PCDH15: variants seen among roughly 807,000 people sequenced by gnomAD.
PCDH15 encodes the protein protocadherin related 15.
PCDH15 carries 129 observed loss-of-function variants against 178.5 expected under a neutral mutation model. That is an observed-to-expected ratio of 0.72 (90% CI 0.63 to 0.84). PCDH15 has a LOEUF of 0.84. Ranked by LOEUF, PCDH15 falls within the 40% of genes least tolerant of loss-of-function variation. PCDH15 has a pLI of 0.00. For missense variants in PCDH15, 2,230 were observed against 2,099.9 expected (o/e 1.06, Z -1.21); for synonymous variants, 800 against 732.0 (o/e 1.09, Z -1.50).
chr10:55,382,794 C>T (rs1000131974), intron 2 of PCDH15, among the ~76,000 whole-genome samples: 5 of 152,152 alleles, frequency 3.3e-5, no homozygotes, highest in African/African-American at 1.2e-4. Flanking sequence ...GGACTTGAGA[C>T]AGGTTTGTGG....
At chr10:53,822,324 G>A (rs1175118993) in intron 32 of PCDH15, 2 of 1,601,550 alleles carry the variant, frequency 1.2e-6, no homozygotes, top group Non-Finnish European at 1.7e-6. Context: ...ACCAGACGTT[G>A]AAACGGAAAG....
At chr10:55,077,705 C>T (rs1591884828) in intron 2 of PCDH15, among the ~76,000 whole-genome samples, 1 of 151,996 alleles carries the variant, frequency 6.6e-6, no homozygotes, top group Admixed American at 6.6e-5. Flanking sequence ...ATGCGCCACA[C>T]CTGGCTACTT....
intron 2 of PCDH15, among the ~76,000 whole-genome samples, chr10:55,588,332 T>C (rs545676589): frequency 3.9e-5 from 6 of 152,318 alleles, no homozygotes; most frequent in African/African-American, 1.4e-4. Context: ...GCAAGTTGCC[T>C]GCTTCTGAAA....
At chr10:54,567,337 A>G (rs559035988) in intron 2 of PCDH15, among the ~76,000 whole-genome samples, 11 of 152,284 alleles carry the variant, frequency 7.2e-5, no homozygotes, top group South Asian at 2.1e-4. Flanking sequence ...TTTAATTTCA[A>G]TGAAGGTCAG....
At chr10:54,895,784 G>A (rs1954534420) in intron 3 of PCDH15, among the ~76,000 whole-genome samples, 2 of 152,108 alleles carry the variant, frequency 1.3e-5, no homozygotes, top group Non-Finnish European at 2.9e-5. Flanking sequence ...AGAACAAGCT[G>A]AATCAGTCAA....
At chr10:54,139,856 C>T (rs900492044) in intron 14 of PCDH15, among the ~76,000 whole-genome samples, 1 of 151,714 alleles carries the variant, frequency 6.6e-6, no homozygotes, top group African/African-American at 2.4e-5. Context: ...AAAAAAATAA[C>T]AATTTTTATA....
intron 8 of PCDH15, among the ~76,000 whole-genome samples, chr10:54,256,262 A>G (rs558892930): frequency 6.6e-6 from 1 of 152,172 alleles, no homozygotes; most frequent in African/African-American, 2.4e-5. Context: ...GGCAGAAAAG[A>G]TAAAAAAAAG....
intron 3 of PCDH15, among the ~76,000 whole-genome samples, chr10:54,435,444 A>C (rs1235322099): frequency 6.6e-6 from 1 of 152,296 alleles, no homozygotes; most frequent in East Asian, 1.9e-4. Flanking sequence ...ATTAACCATG[A>C]GCATGATGTA....
At chr10:54,599,859 A>C in intron 2 of PCDH15, 1 of 655,830 alleles carries the variant, frequency 1.5e-6, no homozygotes, top group South Asian at 1.6e-5. Flanking sequence ...CAGAGGCTGA[A>C]GGTGAAGTAG....
chr10:54,405,577 A>T (rs115147282), intron 3 of PCDH15, among the ~76,000 whole-genome samples: 2,972 of 152,056 alleles, frequency 0.02, 103 homozygotes, highest in African/African-American at 0.066. Context: ...AAGAATAACT[A>T]GTAGGTACTA....
chr10:54,324,241 C>T (rs1388769085), intron 7 of PCDH15, among the ~76,000 whole-genome samples: 1 of 152,044 alleles, frequency 6.6e-6, no homozygotes, highest in East Asian at 1.9e-4. Flanking sequence ...TTTACCTATA[C>T]AAACACATAT....
chr10:55,214,524 T>G (rs1840651649), intron 1 of PCDH15, among the ~76,000 whole-genome samples: 1 of 151,900 alleles, frequency 6.6e-6, no homozygotes. Context: ...CAAATTTTTT[T>G]GTCTTAAATT....
intron 3 of PCDH15, among the ~76,000 whole-genome samples, chr10:54,843,579 GTTAT>G (rs1001215181): frequency 1.3e-4 from 20 of 151,876 alleles, no homozygotes; most frequent in African/African-American, 4.3e-4. Context: ...TATTCTGATA[GTTAT>G]TTAGCTTTTC....
chr10:55,579,391 T>C (rs551144338), intron 2 of PCDH15, among the ~76,000 whole-genome samples: 159 of 152,298 alleles, frequency 1.0e-3, no homozygotes, highest in African/African-American at 3.6e-3. Context: ...CAGGGAGTAA[T>C]TCCTGATTAG....
chr10:54,069,868 C>G (rs933175071), intron 17 of PCDH15, among the ~76,000 whole-genome samples: 2 of 151,940 alleles, frequency 1.3e-5, no homozygotes, highest in African/African-American at 4.8e-5. Flanking sequence ...TTGTTAGGAC[C>G]ATATGTCATT....
chr10:54,091,613 A>G (rs139121812), intron 15 of PCDH15, among the ~76,000 whole-genome samples: 115 of 152,326 alleles, frequency 7.5e-4, no homozygotes, highest in African/African-American at 2.6e-3. Flanking sequence ...TATTTCAGTC[A>G]GTAATAAACT....
chr10:55,076,437 T>A (rs1472664102), intron 2 of PCDH15, among the ~76,000 whole-genome samples: 1 of 151,870 alleles, frequency 6.6e-6, no homozygotes, highest in Non-Finnish European at 1.5e-5. Flanking sequence ...TGTGTTTTTT[T>A]TTTTTTATCT....
At chr10:53,846,119 G>A (rs190789162) in intron 28 of PCDH15, among the ~76,000 whole-genome samples, 3 of 151,390 alleles carry the variant, frequency 2.0e-5, no homozygotes, top group Admixed American at 6.6e-5. Context: ...AGCAATATAC[G>A]TATTTAAAAT....
intron 2 of PCDH15, among the ~76,000 whole-genome samples, chr10:55,580,525 T>C (rs143467871): frequency 0.02 from 3,009 of 152,076 alleles, 106 homozygotes; most frequent in African/African-American, 0.069. Context: ...GCACAGCTAA[T>C]TTTTGTATTT....
Sources: allele counts gnomAD v4.1 joint callset (sites outside exome capture counted in the v4.1 genomes callset), GRCh38; gene constraint gnomAD v4.1.1; transcripts MANE v1.5; gene names NCBI Gene and HGNC (gene_info 2026-07-23, HGNC 2026-07-21).